Variants in LYST observed in about 807,000 individuals in gnomAD.
The protein encoded by LYST is lysosomal-trafficking regulator.
In LYST, 192 loss-of-function variants were observed where a neutral mutation model predicts 413.6. That is an observed-to-expected ratio of 0.46 (90% CI 0.41 to 0.52). LYST has a LOEUF of 0.52. Among genes scored for constraint, LYST ranks in the 20% least tolerant of loss-of-function variants. LYST has a pLI of 0.00. For synonymous variants in LYST, 1,525 were observed against 1,567.3 expected (o/e 0.97, Z 0.64); for missense variants, 3,815 against 4,499.9 (o/e 0.85, Z 4.35).
intron 42 of LYST, chr1:235,712,424 A>C (rs1358133166): frequency 2.6e-6 from 1 of 383,938 alleles, no homozygotes; most frequent in African/African-American, 2.1e-5. Context: ...ATATATTATT[A>C]GATTAGTTTA....
intron 1 of LYST, among the ~76,000 whole-genome samples, chr1:235,849,775 CAAAAAAAA>C (rs57262471): frequency 1.6e-5 from 1 of 61,842 alleles, no homozygotes; most frequent in East Asian, 6.7e-4. Context: ...ACAATAGCTC[CAAAAAAAA>C]AAAAAAAAAA....
At chr1:235,864,542 A>G (rs1659850020) in intron 1 of LYST, among the ~76,000 whole-genome samples, 1 of 152,172 alleles carries the variant, frequency 6.6e-6, no homozygotes, top group Non-Finnish European at 1.5e-5. Context: ...TTAGGGCAAC[A>G]GTTCCGGATT....
intron 40 of LYST, among the ~76,000 whole-genome samples, chr1:235,717,834 G>T (rs1662979938): frequency 6.6e-6 from 1 of 151,558 alleles, no homozygotes; most frequent in African/African-American, 2.4e-5. Context: ...ACAATTTATA[G>T]AATAGATACA....
intron 4 of LYST, among the ~76,000 whole-genome samples, chr1:235,811,296 G>A (rs768314799): frequency 9.2e-5 from 14 of 152,104 alleles, no homozygotes; most frequent in Non-Finnish European, 1.8e-4. Flanking sequence ...TCTTCCCATA[G>A]TACCACTAAT....
chr1:235,849,358 G>A lies in LYST; in HGVS notation c.-97-15691C>T, dbSNP rs983754930. On this transcript the variant is annotated intron_variant, in intron 1 of 52. Transcript: ENST00000389793. Reference sequence around the variant, plus strand: ...TTCTCAGCAAAATCGGCATACAAGGGTCATACCTTAATGTAATAAAAGCCC... The same window carrying A: ...TTCTCAGCAAAATCGGCATACAAGGATCATACCTTAATGTAATAAAAGCCC... Among the ~76,000 whole-genome samples, 53 of 151,934 alleles carry A rather than the reference G, an allele frequency of 3.5e-4. 1 individual carries two copies. The highest frequency in any genetic ancestry group is 2.4e-5 in the African/African-American group (1 of 41,386).
chr1:235,695,355 A>T (rs144021463), intron 46 of LYST, among the ~76,000 whole-genome samples: 1 of 152,350 alleles, frequency 6.6e-6, no homozygotes, highest in East Asian at 1.9e-4. Flanking sequence ...TGCAAAACTC[A>T]GGAACTGCCT....
intron 50 of LYST, 133 bp downstream of exon 50, chr1:235,676,958 A>C: frequency 1.4e-6 from 1 of 725,848 alleles, no homozygotes; most frequent in Non-Finnish European, 2.6e-6. Context: ...ATTTCTATAC[A>C]CATACATGCT....
At chr1:235,777,004 T>C in intron 17 of LYST, 59 bp downstream of exon 17, 2 of 1,492,054 alleles carry the variant, frequency 1.3e-6, no homozygotes, top group Non-Finnish European at 9.3e-7. Flanking sequence ...AATCCTTTAA[T>C]TTATCAATAA....
At chr1:235,780,419 A>T (rs1231608955) in intron 16 of LYST, among the ~76,000 whole-genome samples, 1 of 146,724 alleles carries the variant, frequency 6.8e-6, no homozygotes, top group African/African-American at 2.5e-5. Flanking sequence ...AAAAAAAATA[A>T]AAAATAAAAA....
chr1:235,706,927 A>G (rs368397841), intron 44 of LYST, among the ~76,000 whole-genome samples: 24 of 152,350 alleles, frequency 1.6e-4, no homozygotes, highest in African/African-American at 5.8e-4. Flanking sequence ...TGGCCTAAAT[A>G]AGCTCAGATA....
intron 12 of LYST, among the ~76,000 whole-genome samples, 185 bp from the exon 13 acceptor site, chr1:235,789,030 C>T (rs371606214): frequency 7.9e-4 from 120 of 151,936 alleles, no homozygotes; most frequent in African/African-American, 2.8e-3. Flanking sequence ...CAAAAAAGCA[C>T]GAGGGATGAA....
At chr1:235,774,024 T>G (rs1210280220) in intron 18 of LYST, 33 bp from the exon 19 acceptor site, 5 of 1,455,102 alleles carry the variant, frequency 3.4e-6, no homozygotes, top group Non-Finnish European at 4.8e-6. Flanking sequence ...TAAGATGCAT[T>G]AGTAATTGGT....
chr1:235,858,326 T>C (rs1387903221), intron 1 of LYST, among the ~76,000 whole-genome samples: 1 of 152,220 alleles, frequency 6.6e-6, no homozygotes, highest in Non-Finnish European at 1.5e-5. Context: ...ATAAGCATGA[T>C]AACCTATGGA....
chr1:235,679,981 A>G (rs576595906), intron 48 of LYST, among the ~76,000 whole-genome samples: 67 of 150,152 alleles, frequency 4.5e-4, no homozygotes, highest in African/African-American at 1.5e-3. Context: ...CAATGCTTTT[A>G]AGGCTCTCTC....
At chr1:235,822,242 TGGAACCAAGA>T (rs1033087097) in intron 3 of LYST, among the ~76,000 whole-genome samples, 2 of 152,154 alleles carry the variant, frequency 1.3e-5, no homozygotes, top group African/African-American at 4.8e-5. Context: ...CCTCATAGGG[TGGAACCAAGA>T]GTCCTGGAGA....
intron 47 of LYST, among the ~76,000 whole-genome samples, chr1:235,692,193 T>C (rs111699537): frequency 0.081 from 12,176 of 151,008 alleles, 1,590 homozygotes; most frequent in African/African-American, 0.28. Context: ...ATTAGCCAAG[T>C]GTGGTGGCAC....
chr1:235,697,693 C>G (rs893947861), intron 45 of LYST, among the ~76,000 whole-genome samples: 16 of 152,204 alleles, frequency 1.1e-4, no homozygotes, highest in African/African-American at 3.9e-4. Flanking sequence ...CCTCACTCAG[C>G]TATGAGCTCC....
Position 235,806,297 on chromosome 1 carries a change from C to T in LYST, c.2839G>A (p.Glu947Lys), listed in dbSNP as rs557764255. 5.2e-5 allele frequency: 84 copies of T among 1,613,986 alleles called. No homozygotes were observed. The highest frequency in any genetic ancestry group is 8.3e-5 in the Admixed American group (5 of 59,992). The change falls in exon 6 of 53, where the codon GAG becomes AAG. Residue 947 changes from glutamate to lysine, a missense_variant. Physicochemically the swap from Glu to Lys is moderately conservative, Grantham distance 56 (BLOSUM62 1). This residue lies in a region of LYST where 1,648 missense variants were observed against 1,810.3 expected (regional missense o/e 0.91). Coordinates refer to ENST00000389793, the MANE Select transcript of LYST (RefSeq NM_000081.4). ...TCAGGAGAAGGCAAGACAAGGCTCT[C>T]GAGAGATATACATGGCAGCATATGA... ...LSHMLPCISL[E>K]SLVLPSPEHM...
At chr1:235,823,381 CATTT>C (rs1674992648) in intron 3 of LYST, among the ~76,000 whole-genome samples, 1 of 152,176 alleles carries the variant, frequency 6.6e-6, no homozygotes, top group Non-Finnish European at 1.5e-5. Flanking sequence ...AATTAATGCT[CATTT>C]ATTATTACCT....
Sources: gnomAD v4.1 joint callset for allele counts (sites outside exome capture counted in the v4.1 genomes callset) on GRCh38, gnomAD v4.1.1 for gene constraint, gnomAD v4.1.1 regional missense constraint, MANE v1.5 for transcripts, NCBI Gene and HGNC (gene_info 2026-07-23, HGNC 2026-07-21) for gene names.